Variants in CELF4 observed in about 807,000 individuals in gnomAD.
CELF4 encodes CUGBP Elav-like family member 4, also known as CUG-BP- and ETR-3-like factor 4.
In CELF4, 18 loss-of-function variants were observed where a neutral mutation model predicts 59.9. The ratio of observed to expected loss-of-function variants is 0.30; its 90% CI spans 0.21 to 0.45. The LOEUF (loss-of-function observed/expected upper bound fraction) is 0.45. Ranked by LOEUF, CELF4 falls within the 20% of genes least tolerant of loss-of-function variation. The pLI is 1.00. For synonymous variants in CELF4, 261 were observed against 267.1 expected (o/e 0.98, Z 0.22); for missense variants, 456 against 689.0 (o/e 0.66, Z 3.79).
chr18:37,528,454 G>A (rs2099966158), intron 1 of CELF4, among the ~76,000 whole-genome samples: 1 of 152,168 alleles, frequency 6.6e-6, no homozygotes, highest in African/African-American at 2.4e-5. Flanking sequence ...GTCTGGCTAT[G>A]GCAATTAGTG....
At position 37,317,179 on chromosome 18, in the gene CELF4, G is replaced by C. The variant is rs1015535954; in HGVS notation, c.448+4624C>G. Among the ~76,000 whole-genome samples the C allele has an allele frequency of 8.5e-5, 13 of 152,190 alleles. 1 individual carries two copies. The highest frequency in any genetic ancestry group is 8.5e-4 in the Admixed American group (13 of 15,288). ...AGGCAGAAGGATCACCTGAGGTCAG[G>C]AGTTCAAGACCAGCCTGGCCAACAT... On this transcript the variant is annotated intron_variant, in intron 3 of 12. Transcript: ENST00000420428.
intron 3 of CELF4, among the ~76,000 whole-genome samples, chr18:37,301,770 C>T (rs1274296192): frequency 6.6e-6 from 1 of 152,232 alleles, no homozygotes; most frequent in Non-Finnish European, 1.5e-5. Flanking sequence ...GCTAATGGCT[C>T]ATTGAGTGGC....
intron 3 of CELF4, among the ~76,000 whole-genome samples, chr18:37,284,255 A>G (rs549143490): frequency 6.6e-6 from 1 of 151,226 alleles, no homozygotes; most frequent in Non-Finnish European, 1.5e-5. Context: ...AGATACACCA[A>G]CACACACCTC....
chr18:37,476,250 G>A (rs1300740852), intron 2 of CELF4, among the ~76,000 whole-genome samples: 1 of 152,226 alleles, frequency 6.6e-6, no homozygotes, highest in Non-Finnish European at 1.5e-5. Context: ...GGCTGACAGT[G>A]TTCTGAAGGG....
chr18:37,302,469 C>T (rs2096121785), intron 3 of CELF4, among the ~76,000 whole-genome samples: 1 of 152,168 alleles, frequency 6.6e-6, no homozygotes, highest in Non-Finnish European at 1.5e-5. Context: ...CCCTGGGAGC[C>T]CCTTCTGATG....
At chr18:37,424,098 G>A (rs746090455) in intron 2 of CELF4, among the ~76,000 whole-genome samples, 4 of 152,052 alleles carry the variant, frequency 2.6e-5, no homozygotes, top group Admixed American at 6.6e-5. Context: ...GTTTTTTGCC[G>A]TTGAAAATCA....
chr18:37,381,056 C>T (rs2099034014), intron 2 of CELF4, among the ~76,000 whole-genome samples: 1 of 151,570 alleles, frequency 6.6e-6, no homozygotes, highest in Non-Finnish European at 1.5e-5. Flanking sequence ...TCCATCCATC[C>T]ATTCCTCTAT....
At chr18:37,496,315 C>T (rs1207619524) in intron 1 of CELF4, among the ~76,000 whole-genome samples, 1 of 152,212 alleles carries the variant, frequency 6.6e-6, no homozygotes, top group Non-Finnish European at 1.5e-5. Context: ...AACCCCCTTA[C>T]CAAGCCCCAG....
At chr18:37,393,154 A>G (rs1293244872) in intron 2 of CELF4, among the ~76,000 whole-genome samples, 1 of 152,104 alleles carries the variant, frequency 6.6e-6, no homozygotes, top group Admixed American at 6.5e-5. Flanking sequence ...GGGACAGGGT[A>G]CAGGCTTGAG....
At chr18:37,519,974 G>A (rs1163781807) in intron 1 of CELF4, among the ~76,000 whole-genome samples, 1 of 152,132 alleles carries the variant, frequency 6.6e-6, no homozygotes, top group Non-Finnish European at 1.5e-5. Context: ...CTGGGAAAAC[G>A]GGAGGGAGAA....
intron 2 of CELF4, among the ~76,000 whole-genome samples, chr18:37,375,636 C>T (rs1167762670): frequency 1.1e-4 from 16 of 152,154 alleles, no homozygotes; most frequent in Admixed American, 1.0e-3. Context: ...AAGAGGCTTC[C>T]CTAGATGGCA....
At chr18:37,457,429 A>G (rs1262094319) in intron 2 of CELF4, among the ~76,000 whole-genome samples, 2 of 152,124 alleles carry the variant, frequency 1.3e-5, no homozygotes, top group Non-Finnish European at 2.9e-5. Flanking sequence ...GCCGCTGGGC[A>G]TCTGGGAGTG....
intron 2 of CELF4, among the ~76,000 whole-genome samples, chr18:37,398,006 T>C (rs988555305): frequency 2.0e-5 from 3 of 152,026 alleles, no homozygotes; most frequent in African/African-American, 7.2e-5. Context: ...CTCTGGTCTC[T>C]CCCCACTCAG....
chr18:37,510,198 T>C (rs545619991), intron 1 of CELF4, among the ~76,000 whole-genome samples: 2 of 152,274 alleles, frequency 1.3e-5, no homozygotes, highest in Admixed American at 1.3e-4. Flanking sequence ...GGGAAATGAA[T>C]ACACTAAAGC....
chr18:37,319,310 C>T (rs1412442993), intron 3 of CELF4, among the ~76,000 whole-genome samples: 13 of 152,250 alleles, frequency 8.5e-5, no homozygotes, highest in East Asian at 1.9e-4. Context: ...GCTTCGCTCA[C>T]GTGGGCCCCT....
At chr18:37,301,565 T>C (rs2096040331) in intron 3 of CELF4, among the ~76,000 whole-genome samples, 1 of 152,152 alleles carries the variant, frequency 6.6e-6, no homozygotes, top group African/African-American at 2.4e-5. Context: ...GACCATGTGT[T>C]TCCTCCCAGC....
chr18:37,308,217 A>G (rs1340260063), intron 3 of CELF4, among the ~76,000 whole-genome samples: 8 of 150,910 alleles, frequency 5.3e-5, no homozygotes, highest in Admixed American at 5.3e-4. Context: ...TCAATCACCA[A>G]CTCCCTCTCT....
chr18:37,438,303 G>A (rs1399540319), intron 2 of CELF4, among the ~76,000 whole-genome samples: 1 of 152,194 alleles, frequency 6.6e-6, no homozygotes, highest in African/African-American at 2.4e-5. Context: ...TGTTCCAGAT[G>A]TCAGTGTTAC....
At chr18:37,264,452 A>T (rs928757049) in intron 10 of CELF4, among the ~76,000 whole-genome samples, 2 of 152,256 alleles carry the variant, frequency 1.3e-5, no homozygotes, top group African/African-American at 4.8e-5. Context: ...CCTGGGCCAG[A>T]CACCACTCTG....
Sources: gnomAD v4.1 joint callset for allele counts (sites outside exome capture counted in the v4.1 genomes callset) on GRCh38, gnomAD v4.1.1 for gene constraint, MANE v1.5 for transcripts, NCBI Gene and HGNC (gene_info 2026-07-23, HGNC 2026-07-21) for gene names.